The following HSD17B2 variants were observed in gnomAD, a reference collection of about 807,000 sequenced individuals.
HSD17B2 encodes the protein 17-beta-hydroxysteroid dehydrogenase type 2.
HSD17B2 carries 32 observed loss-of-function variants against 26.9 expected under a neutral mutation model. The ratio of observed to expected loss-of-function variants is 1.19; its 90% CI spans 0.90 to 1.60. The LOEUF is 1.60. Among genes scored for constraint, HSD17B2 ranks in the 40% most tolerant of loss-of-function variants. The probability of loss-of-function intolerance (pLI) is 0.00; values close to 1 mark genes in which losing one functional copy is unlikely to be tolerated. For synonymous variants in HSD17B2, 246 were observed against 186.7 expected (o/e 1.32, Z -2.59); for missense variants, 613 against 468.6 (o/e 1.31, Z -2.85).
Position 82,090,920 on chromosome 16 carries a change from G to C in HSD17B2, c.683G>C (p.Arg228Thr), listed in dbSNP as rs757812646. Residue 228 changes from arginine (R) to threonine (T), a missense_variant, in exon 4 of 5, where the codon AGG becomes ACG. Physicochemically the swap from Arg to Thr is moderately conservative, Grantham distance 71. Transcript: ENST00000199936. ...SSMGGGAPME[R>T]LASYGSSKAA... is the part of the protein sequence containing the mutation. ...CCCATAGGAGGGGCCCCAATGGAAA[G>C]GCTGGCATCTTATGGCTCATCAAAG... 5 of 1,613,202 alleles carry C rather than the reference G, an allele frequency of 3.1e-6. No homozygotes were observed. The Admixed American group carries it at 5.0e-5, about 16-fold the overall frequency.
chr16:82,086,837 G>C (rs1226828413), intron 3 of HSD17B2, among the ~76,000 whole-genome samples: 2 of 152,214 alleles, frequency 1.3e-5, no homozygotes, highest in African/African-American at 4.8e-5. Context: ...TCCCAGATCA[G>C]CATGCCAGCA....
rs145955840 is a variant in HSD17B2, at chr16:82,082,979, C to T, written c.665-7923C>T. Among the ~76,000 whole-genome samples the T allele has an allele frequency of 3.2e-3, 494 of 152,262 alleles. 5 individuals are homozygous for T. Among genetic ancestry groups the T allele is most frequent in the African/African-American group, 0.011 (475 of 41,544 alleles). Reference sequence around the variant, plus strand: ...CAAGCCACCTCCTTCCCTGGTGACTCAGTGTAAACATATGTTACCACCACA... The same window carrying T: ...CAAGCCACCTCCTTCCCTGGTGACTTAGTGTAAACATATGTTACCACCACA... On this transcript the variant is annotated intron_variant, in intron 3 of 4. Coordinates refer to ENST00000199936, the MANE Select transcript of HSD17B2 (RefSeq NM_002153.3).
intron 3 of HSD17B2, among the ~76,000 whole-genome samples, chr16:82,076,805 C>G (rs1443390565): frequency 6.6e-6 from 1 of 152,146 alleles, no homozygotes; most frequent in Non-Finnish European, 1.5e-5. Flanking sequence ...GTTTCGATCT[C>G]TTGACTTTGT....
chr16:82,072,781 T>G (rs1485987148), intron 3 of HSD17B2, among the ~76,000 whole-genome samples: 7 of 152,196 alleles, frequency 4.6e-5, no homozygotes. Context: ...CAAGGCCAGG[T>G]GCGGTGGCTC....
chr16:82,081,663 G>C (rs575422561), intron 3 of HSD17B2, among the ~76,000 whole-genome samples: 1 of 152,184 alleles, frequency 6.6e-6, no homozygotes, highest in Non-Finnish European at 1.5e-5. Context: ...AAAGTTCTTA[G>C]CATAGCTGCT....
At chr16:82,094,251 G>T (rs996341111) in intron 4 of HSD17B2, 3 of 152,192 alleles carry the variant, frequency 2.0e-5, no homozygotes, top group Admixed American at 2.0e-4. Flanking sequence ...AGTTACTCTT[G>T]TTCAAATGCC....
intron 3 of HSD17B2, among the ~76,000 whole-genome samples, chr16:82,079,999 C>A (rs1904337897): frequency 6.6e-6 from 1 of 152,206 alleles, no homozygotes; most frequent in African/African-American, 2.4e-5. Context: ...CGTGGTTGCC[C>A]TGACCCACCA....
intron 3 of HSD17B2, among the ~76,000 whole-genome samples, chr16:82,085,655 T>C (rs1212269074): frequency 6.6e-6 from 1 of 152,114 alleles, no homozygotes; most frequent in Admixed American, 6.5e-5. Context: ...TCTTACTCCA[T>C]TGCTTCTCAA....
intron 4 of HSD17B2, chr16:82,091,947 G>C (rs1430690964): frequency 2.0e-5 from 3 of 152,148 alleles, no homozygotes; most frequent in Non-Finnish European, 2.9e-5. Flanking sequence ...ACCTTTCTGG[G>C]ACACACACTC....
chr16:82,060,515 C>A (rs535046881), intron 1 of HSD17B2, among the ~76,000 whole-genome samples: 1 of 152,302 alleles, frequency 6.6e-6, no homozygotes, highest in East Asian at 1.9e-4. Context: ...TCAAGAGAAA[C>A]CATTGATCTG....
At chr16:82,051,023 A>G (rs1157338447) in intron 1 of HSD17B2, among the ~76,000 whole-genome samples, 1 of 152,220 alleles carries the variant, frequency 6.6e-6, no homozygotes, top group African/African-American at 2.4e-5. Context: ...GATAACTACT[A>G]GCTTAAATAT....
At chr16:82,045,121 CA>C (rs10565056) in intron 1 of HSD17B2, among the ~76,000 whole-genome samples, 6,096 of 42,900 alleles carry the variant, frequency 0.14, 128 homozygotes, top group African/African-American at 0.28. Flanking sequence ...AAACTCTGTC[CA>C]AAAAAAAAAA....
At chr16:82,046,656 A>G (rs1226538694) in intron 1 of HSD17B2, among the ~76,000 whole-genome samples, 1 of 151,704 alleles carries the variant, frequency 6.6e-6, no homozygotes. Flanking sequence ...CCTGGGAGTC[A>G]GATGTTGCAG....
At chr16:82,056,233 A>T (rs1914262944) in intron 1 of HSD17B2, among the ~76,000 whole-genome samples, 1 of 152,250 alleles carries the variant, frequency 6.6e-6, no homozygotes, top group Non-Finnish European at 1.5e-5. Flanking sequence ...AGATAATGAT[A>T]AAAGGGACCT....
chr16:82,097,286 G>A (rs1365353368), intron 4 of HSD17B2: 2 of 151,148 alleles, frequency 1.3e-5, no homozygotes, highest in South Asian at 2.1e-4. Context: ...GTATGTGTGT[G>A]TGTGTGTATA....
At chr16:82,046,381 A>G (rs1413822592) in intron 1 of HSD17B2, among the ~76,000 whole-genome samples, 1 of 152,166 alleles carries the variant, frequency 6.6e-6, no homozygotes, top group Non-Finnish European at 1.5e-5. Flanking sequence ...AGCACTTTCC[A>G]TGCCTAATTT....
intron 1 of HSD17B2, among the ~76,000 whole-genome samples, chr16:82,066,782 T>G (rs1396950618): frequency 1.3e-5 from 2 of 152,244 alleles, no homozygotes; most frequent in South Asian, 2.1e-4. Flanking sequence ...ACAAAGCATC[T>G]TGGAGCAATA....
At chr16:82,039,214 G>A (rs1034221817) in intron 1 of HSD17B2, among the ~76,000 whole-genome samples, 2 of 150,704 alleles carry the variant, frequency 1.3e-5, no homozygotes, top group East Asian at 3.9e-4. Context: ...TTGGATTTTG[G>A]GACTCTGTTT....
chr16:82,055,629 C>A (rs1914243208), intron 1 of HSD17B2, among the ~76,000 whole-genome samples: 1 of 152,178 alleles, frequency 6.6e-6, no homozygotes, highest in Admixed American at 6.5e-5. Flanking sequence ...AAAACTCCCC[C>A]ACAGTGGGCA....
Sources: gnomAD v4.1 joint callset for allele counts (sites outside exome capture counted in the v4.1 genomes callset) on GRCh38, gnomAD v4.1.1 for gene constraint, MANE v1.5 for transcripts, NCBI Gene and HGNC (gene_info 2026-07-23, HGNC 2026-07-21) for gene names.